Variants in TEX52 observed in about 807,000 individuals in gnomAD.
TEX52 encodes testis-expressed protein 52.
A neutral mutation model predicts 17.6 loss-of-function variants in TEX52; 22 were observed. The ratio of observed to expected loss-of-function variants is 1.25; its 90% confidence interval spans 0.89 to 1.78. The LOEUF is 1.78. Ranked by LOEUF, TEX52 falls within the 40% of genes most tolerant of loss-of-function variation. The probability of loss-of-function intolerance (pLI) is 0.00; values close to 1 mark genes in which losing one functional copy is unlikely to be tolerated. For missense variants in TEX52, 396 were observed against 372.3 expected, an observed-to-expected ratio of 1.06 and a Z score of -0.52; for synonymous variants, 168 against 147.4, an observed-to-expected ratio of 1.14 and a Z score of -1.01.
chr12:2,854,912 G>A lies in TEX52; in HGVS notation c.607C>T (p.Pro203Ser). 1.4e-5 allele frequency: 22 copies of A among 1,534,612 alleles called. No individual in the cohort carries two copies. The highest frequency in any genetic ancestry group is 1.8e-5 in the Non-Finnish European group (21 of 1,145,866). Residue 203 changes from proline to serine, a missense_variant, in exon 2 of 3, where the codon CCA becomes TCA. Coordinates refer to ENST00000637658, the MANE Select transcript of TEX52 (RefSeq NM_001365174.2). ...PLDAQGNIQP[P>S]ASFKKYRHIS... is the part of the protein sequence containing the mutation. ...CCGTCTTACTTCTTGAAGCTCGCTG[G>A]CGGCTGGATGTTGCCCTGGGCATCG...
chr12:2,853,179 A>G (rs1377696324), intron 2 of TEX52, among the ~76,000 whole-genome samples: 5 of 152,178 alleles, frequency 3.3e-5, no homozygotes, highest in African/African-American at 1.2e-4. Context: ...AGCACCTATC[A>G]GCAACTGGCA....
intron 2 of TEX52, among the ~76,000 whole-genome samples, chr12:2,850,007 T>C (rs982606988): frequency 6.6e-6 from 1 of 152,210 alleles, no homozygotes; most frequent in Admixed American, 6.5e-5. Flanking sequence ...CAGCGCACTT[T>C]GCCCCTGGTT....
intron 2 of TEX52, 122 bp downstream of exon 2, chr12:2,854,774 T>C (rs2098081932): frequency 9.8e-7 from 1 of 1,017,060 alleles, no homozygotes; most frequent in Non-Finnish European, 1.4e-6. Context: ...GAAAAGAGTT[T>C]GGTTTTCAGA....
intron 2 of TEX52, among the ~76,000 whole-genome samples, chr12:2,850,200 A>G (rs1272875748): frequency 1.3e-5 from 2 of 152,052 alleles, no homozygotes; most frequent in Admixed American, 1.3e-4. Context: ...CCTAGGCCGG[A>G]CCCAGTGGCT....
chr12:2,848,911 ACTCCTTCCTTCC>A (rs2153928023), downstream of TEX52: 1 of 357,290 alleles, frequency 2.8e-6, no homozygotes, highest in South Asian at 3.1e-5. Context: ...ACACACACAC[ACTCCTTCCTTCC>A]CACTTCTCCT....
At chr12:2,856,810 G>T (rs2098088787) in intron 1 of TEX52, 145 bp downstream of exon 1, 4 of 634,080 alleles carry the variant, frequency 6.3e-6, no homozygotes, top group Admixed American at 2.5e-5. Context: ...GGTTCCTAGT[G>T]TCATAGGATG....
rs1354869723 is a variant in TEX52, at chr12:2,851,030, G to A, written c.624-1505C>T. On this transcript the variant is annotated intron_variant, in intron 2 of 2. Transcript: ENST00000637658. ...GACAGAGTCTCGCTTAGCCAGGCAT[G>A]GTGGCACGTGCCTGTAATCCCAGCT... is the stretch of plus-strand genomic sequence containing the variant. Among the ~76,000 whole-genome samples, 4 of 136,410 alleles carry A rather than the reference G, an allele frequency of 2.9e-5. No individual in the cohort carries two copies. The East Asian group carries it at 8.5e-4, about 29-fold the overall frequency. 89.5% of individuals were successfully genotyped at this position (136,410 alleles called of 152,430 possible).
At position 2,855,029 on chromosome 12, in the gene TEX52, T is replaced by A. The variant is rs1180221876; in HGVS notation, c.490A>T (p.Lys164Ter). 6.5e-7 allele frequency: 1 copy of A among 1,536,156 alleles called. No homozygotes were observed. The highest frequency in any genetic ancestry group is 1.2e-5 in the South Asian group (1 of 84,058). The change falls in exon 2 of 3, where the codon AAA (lysine) becomes TAA (stop). Residue 164 changes from lysine (K) to a stop codon, truncating the protein, a stop_gained. Transcript: ENST00000637658. LOFTEE classifies it high-confidence loss of function. ...IHCYPTFVDM[K>*]RKKQVIFRTV... Reference sequence around the variant, plus strand: ...CTGAAAATCACCTGCTTCTTCCTTTTCATGTCCACAAACGTGGGATAACAG... The same window carrying A: ...CTGAAAATCACCTGCTTCTTCCTTTACATGTCCACAAACGTGGGATAACAG...
chr12:2,854,102 T>G (rs1207215996), intron 2 of TEX52, among the ~76,000 whole-genome samples: 3 of 152,240 alleles, frequency 2.0e-5, no homozygotes, highest in African/African-American at 7.2e-5. Flanking sequence ...CTTGGCTCAC[T>G]GCAACCTCCG....
Position 2,851,390 on chromosome 12 carries a change from C to T in TEX52, c.624-1865G>A, listed in dbSNP as rs138705931. Among the ~76,000 whole-genome samples the T allele has an allele frequency of 2.1e-3, 325 of 152,180 alleles. 2 individuals carry two copies. The highest frequency in any genetic ancestry group is 7.4e-3 in the African/African-American group (309 of 41,544). On this transcript the variant is annotated intron_variant, in intron 2 of 2. Coordinates refer to ENST00000637658, the MANE Select transcript of TEX52 (RefSeq NM_001365174.2). ...GGAGTCTGACTCTGTCCCTGATGCT[C>T]GAGCACAGTGGCCATGATCTTGGCT... is the stretch of plus-strand genomic sequence containing the variant.
downstream of TEX52, chr12:2,848,915 C>T (rs1379499467): frequency 3.4e-6 from 1 of 295,418 alleles, no homozygotes; most frequent in South Asian, 3.3e-5. Flanking sequence ...ACACACACTC[C>T]TTCCTTCCCA....
chr12:2,855,358 C>A lies in TEX52; in HGVS notation c.161G>T (p.Gly54Val), dbSNP rs1211407022. ...FLPSESWEFP[G>V]FTRQAYHQLA... Reference sequence around the variant, plus strand: ...CTGGTGGTAGGCTTGCCGGGTGAAGCCAGGGAACTCCCAGGACTCGCTGGG... The same window carrying A: ...CTGGTGGTAGGCTTGCCGGGTGAAGACAGGGAACTCCCAGGACTCGCTGGG... Residue 54 changes from glycine to valine, a missense_variant, in exon 2 of 3, where the codon GGC becomes GTC. Coordinates refer to ENST00000637658, the MANE Select transcript of TEX52 (RefSeq NM_001365174.2). 61 of 1,531,934 alleles carry A rather than the reference C, an allele frequency of 4.0e-5. No individual in the cohort carries two copies. The highest frequency in any genetic ancestry group is 5.9e-5 in the Admixed American group (3 of 50,772). 94.9% of individuals were successfully genotyped at this position (1,531,934 alleles called of 1,614,324 possible).
intron 2 of TEX52, among the ~76,000 whole-genome samples, chr12:2,851,652 GTTTTATTTTAATTTTATTTATTTT>G (rs1293886432): frequency 3.3e-4 from 49 of 148,066 alleles, no homozygotes; most frequent in African/African-American, 1.2e-3. Context: ...CGCTAAATTT[GTTTTATTTTAATTTTATTTATTTT>G]TTTTATTTTA....
In TEX52 at chr12:2,849,243, A is replaced by G; in HGVS notation, c.906T>C (p.Pro302=). 4 of 1,535,864 alleles carry G rather than the reference A, an allele frequency of 2.6e-6. No individual in the cohort carries two copies. The highest frequency in any genetic ancestry group is 2.6e-6 in the Non-Finnish European group (3 of 1,146,818). The change falls in exon 3 of 3, where the codon CCT becomes CCC. Residue 302 remains proline (P), a synonymous_variant. Transcript: ENST00000637658. ...TCTGGAAGCCCTTCTAGAAGTGTCC[A>G]GGTCTTCTCTTCCTCTTCCTTGCTG... ...KSPARKRKRR[P]GHF is the part of the protein sequence containing the mutation.
chr12:2,849,605 G>A, intron 2 of TEX52, 80 bp from the exon 3 acceptor site: 3 of 1,466,148 alleles, frequency 2.0e-6, no homozygotes, highest in Non-Finnish European at 2.8e-6. Flanking sequence ...GAAGGGGAAG[G>A]GTGATGCCGC....
downstream of TEX52, among the ~76,000 whole-genome samples, chr12:2,848,639 C>G (rs1316637546): frequency 6.6e-6 from 1 of 152,148 alleles, no homozygotes; most frequent in Non-Finnish European, 1.5e-5. Flanking sequence ...CCTGACCTGA[C>G]CTCTCCTCCT....
At chr12:2,855,611 C>G (rs935917832) in intron 1 of TEX52, among the ~76,000 whole-genome samples, 165 bp from the exon 2 acceptor site, 1 of 152,206 alleles carries the variant, frequency 6.6e-6, no homozygotes, top group African/African-American at 2.4e-5. Flanking sequence ...CTCTCCTTCC[C>G]GGCGGAAGTT....
At position 2,852,616 on chromosome 12, in the gene TEX52, C is replaced by T. The variant is rs555968760; in HGVS notation, c.623+2280G>A. ...CTGGCCTCAAGCGATCCTCCCACTT[C>T]GGCCTCCCAAAGTGTTGGGATTACA... On this transcript the variant is annotated intron_variant, in intron 2 of 2. Coordinates refer to ENST00000637658, the MANE Select transcript of TEX52 (RefSeq NM_001365174.2). 6.6e-5 allele frequency among the ~76,000 whole-genome samples: 10 copies of T among 152,246 alleles called. No individual in the cohort carries two copies. In the East Asian group the frequency reaches 7.8e-4, roughly 12 times the overall value.
rs962015485 is a variant in TEX52, at chr12:2,855,144, G to C, written c.375C>G (p.Thr125=). Reference sequence around the variant, plus strand: ...GGGGGCATCTGTGGGCATTGGAGTCGGTCAGCCAGCGCCAGACATTGCTAT... The same window carrying C: ...GGGGGCATCTGTGGGCATTGGAGTCCGTCAGCCAGCGCCAGACATTGCTAT... ...PYDSNVWRWL[T]DSNAHRCPPT... Residue 125 remains threonine, a synonymous_variant, in exon 2 of 3, where the codon ACC becomes ACG. Transcript: ENST00000637658. 2 of 1,529,654 alleles carry C rather than the reference G, an allele frequency of 1.3e-6. No individual in the cohort carries two copies. Among genetic ancestry groups the C allele is most frequent in the Non-Finnish European group, 1.7e-6 (2 of 1,142,868 alleles). The allele number at this position is 1,529,654 out of a possible 1,614,324, so 94.8% of individuals were successfully genotyped here.
Sources: allele counts gnomAD v4.1 joint callset (sites outside exome capture counted in the v4.1 genomes callset), GRCh38; gene constraint gnomAD v4.1.1; transcripts MANE v1.5; gene names NCBI Gene and HGNC (gene_info 2026-07-23, HGNC 2026-07-21).